Variants in DPP10 observed in about 807,000 individuals in gnomAD.
DPP10 encodes the protein dipeptidyl peptidase like 10.
DPP10 carries 33 observed loss-of-function variants against 120.9 expected under a neutral mutation model. The observed-to-expected ratio is 0.27, with a 90% CI of 0.21 to 0.37. The LOEUF is 0.37. Ranked by LOEUF, DPP10 falls within the 10% of genes least tolerant of loss-of-function variation. The pLI is 1.00. For synonymous variants in DPP10, 337 were observed against 326.1 expected, an observed-to-expected ratio of 1.03 and a Z score of -0.36; for missense variants, 816 against 942.8, an observed-to-expected ratio of 0.87 and a Z score of 1.76.
At chr2:115,285,505 C>T (rs1041066034) in intron 1 of DPP10, among the ~76,000 whole-genome samples, 3 of 151,984 alleles carry the variant, frequency 2.0e-5, no homozygotes, top group Non-Finnish European at 2.9e-5. Flanking sequence ...ACACCGGTGA[C>T]CTTTCTGCAT....
chr2:114,657,366 T>G (rs939056016), intron 1 of DPP10, among the ~76,000 whole-genome samples: 9 of 152,208 alleles, frequency 5.9e-5, no homozygotes, highest in African/African-American at 1.7e-4. Flanking sequence ...TGATTTTCAG[T>G]GTACCCTTTC....
intron 1 of DPP10, among the ~76,000 whole-genome samples, chr2:114,972,861 T>C (rs1264619754): frequency 6.6e-6 from 1 of 152,176 alleles, no homozygotes; most frequent in Admixed American, 6.5e-5. Context: ...AACAGAAGAA[T>C]AGACGCATTG....
intron 1 of DPP10, among the ~76,000 whole-genome samples, chr2:114,451,769 A>T (rs1049420626): frequency 6.6e-6 from 1 of 152,104 alleles, no homozygotes; most frequent in Non-Finnish European, 1.5e-5. Context: ...AGATCTTGGG[A>T]TCTAAATTCA....
At chr2:115,341,339 C>T (rs1403928175) in intron 2 of DPP10, among the ~76,000 whole-genome samples, 1 of 151,804 alleles carries the variant, frequency 6.6e-6, no homozygotes, top group Non-Finnish European at 1.5e-5. Flanking sequence ...CAGGAATTTC[C>T]CATATTCTCT....
rs1022309325 is a variant in DPP10 at position 115,842,619 on chromosome 2, G to A, written c.*274G>A. On this transcript the variant is annotated 3_prime_UTR_variant, in exon 26 of 26. Coordinates refer to ENST00000410059, the MANE Select transcript of DPP10 (RefSeq NM_020868.6). ...TTGCATTAAAGTAGGAGTAGTGCAT[G>A]TTTTCTTCTGTTATCCCCCTGTTTG... 7.8e-6 allele frequency: 2 copies of A among 254,962 alleles called. No individual in the cohort carries two copies. Among genetic ancestry groups the A allele is most frequent in the South Asian group, 1.2e-4 (1 of 8,418 alleles). The allele number at this position is 254,962 out of a possible 1,614,324, so 15.8% of individuals were successfully genotyped here. A position where few individuals can be genotyped will look rare whatever the true frequency, so the allele number is the denominator to read the frequency against.
intron 2 of DPP10, among the ~76,000 whole-genome samples, chr2:115,315,489 C>T (rs2061752125): frequency 6.6e-6 from 1 of 152,106 alleles, no homozygotes; most frequent in Admixed American, 6.6e-5. Flanking sequence ...ATATTGCAGA[C>T]AATATCTTGG....
In DPP10 at chr2:115,730,115, A is replaced by T. The variant is rs553599660; in HGVS notation, c.697+2179A>T. On this transcript the variant is annotated intron_variant, in intron 8 of 25. Coordinates refer to ENST00000410059, the MANE Select transcript of DPP10 (RefSeq NM_020868.6). ...GGAGTGACAAGATTGGATCTTCCAT[A>T]TGAACAGATTGTTTTTGTGACAGCA... 2.4e-4 allele frequency among the ~76,000 whole-genome samples: 36 copies of T among 152,312 alleles called. 1 individual carries two copies. In the South Asian group the frequency reaches 5.6e-3, roughly 24 times the overall value.
At chr2:115,547,384 G>A (rs564222686) in intron 5 of DPP10, among the ~76,000 whole-genome samples, 6 of 152,274 alleles carry the variant, frequency 3.9e-5, no homozygotes, top group African/African-American at 9.6e-5. Context: ...TCCGTGATAC[G>A]ATGGCAGCTT....
At chr2:115,415,842 TA>T (rs1415585763) in intron 3 of DPP10, among the ~76,000 whole-genome samples, 33 of 4,208 alleles carry the variant, frequency 7.8e-3, no homozygotes, top group Admixed American at 0.013. Context: ...GATTTGCTTT[TA>T]TATATATATA....
intron 1 of DPP10, among the ~76,000 whole-genome samples, chr2:114,539,048 ATCT>A (rs1558860089): frequency 1.3e-5 from 2 of 152,206 alleles, no homozygotes; most frequent in East Asian, 3.9e-4. Flanking sequence ...AGCCACTTTG[ATCT>A]TCTTGCTTCT....
At chr2:115,400,587 G>C (rs955859655) in intron 3 of DPP10, among the ~76,000 whole-genome samples, 2 of 152,026 alleles carry the variant, frequency 1.3e-5, no homozygotes, top group Non-Finnish European at 2.9e-5. Flanking sequence ...CCTGACTTAC[G>C]ATAGGATTAC....
At chr2:115,009,620 T>C (rs556397756) in intron 1 of DPP10, among the ~76,000 whole-genome samples, 2 of 150,502 alleles carry the variant, frequency 1.3e-5, no homozygotes, top group Admixed American at 6.6e-5. Context: ...ATATTTAAAG[T>C]AATGGATATC....
At chr2:115,777,377 G>T in intron 14 of DPP10, 78 bp downstream of exon 14, 1 of 1,314,284 alleles carries the variant, frequency 7.6e-7, no homozygotes, top group Non-Finnish European at 1.1e-6. Context: ...ATTATGTTTT[G>T]CTTACCATAG....
intron 1 of DPP10, among the ~76,000 whole-genome samples, chr2:114,946,905 G>T (rs1469521778): frequency 6.6e-6 from 1 of 151,920 alleles, no homozygotes; most frequent in Non-Finnish European, 1.5e-5. Flanking sequence ...TTCCAACGAA[G>T]ACATGAGTTT....
intron 3 of DPP10, among the ~76,000 whole-genome samples, chr2:115,416,562 TC>T: frequency 1.3e-5 from 2 of 152,180 alleles, no homozygotes; most frequent in Middle Eastern, 6.8e-3. Context: ...TCTTTTCCAT[TC>T]CCGGTATCAA....
At chr2:115,607,454 G>A (rs189162221) in intron 5 of DPP10, among the ~76,000 whole-genome samples, 7 of 152,212 alleles carry the variant, frequency 4.6e-5, no homozygotes, top group East Asian at 1.9e-4. Context: ...ATACATGAGC[G>A]TTTTAGTTAT....
intron 3 of DPP10, among the ~76,000 whole-genome samples, chr2:115,382,890 G>T (rs1457058426): frequency 6.6e-6 from 1 of 152,134 alleles, no homozygotes; most frequent in African/African-American, 2.4e-5. Context: ...ACCAATTGTG[G>T]GGCAGGAGGG....
chr2:115,216,872 C>T (rs4430970), intron 1 of DPP10, among the ~76,000 whole-genome samples: 152,016 of 152,028 alleles, frequency 1, 76,002 homozygotes, highest in Middle Eastern at 1. Context: ...TGGACATAGA[C>T]ATATACGTGT....
chr2:115,648,228 A>G (rs1041255496), intron 5 of DPP10, among the ~76,000 whole-genome samples: 2 of 152,076 alleles, frequency 1.3e-5, no homozygotes, highest in Non-Finnish European at 2.9e-5. Context: ...AACTCATAGA[A>G]GCAGAGTAGA....
Sources: allele counts gnomAD v4.1 joint callset (sites outside exome capture counted in the v4.1 genomes callset), GRCh38; gene constraint gnomAD v4.1.1; transcripts MANE v1.5; gene names NCBI Gene and HGNC (gene_info 2026-07-23, HGNC 2026-07-21).